Variants in MAGI1 observed in about 807,000 individuals in gnomAD.
The protein encoded by MAGI1 is membrane associated guanylate kinase, WW and PDZ domain containing 1.
Under a neutral mutation model 139.9 loss-of-function variants are expected in MAGI1, and 58 were observed. The ratio of observed to expected loss-of-function variants is 0.41; its 90% CI spans 0.34 to 0.52. The LOEUF is 0.52. Ranked by LOEUF, MAGI1 falls within the 20% of genes least tolerant of loss-of-function variation. MAGI1 has a pLI of 0.12. For synonymous variants in MAGI1, 812 were observed against 737.9 expected (o/e 1.10, Z -1.63); for missense variants, 1,874 against 1,901.6 (o/e 0.99, Z 0.27).
At chr3:65,632,041 A>G (rs1258563172) in intron 1 of MAGI1, among the ~76,000 whole-genome samples, 1 of 150,610 alleles carries the variant, frequency 6.6e-6, no homozygotes, top group Admixed American at 6.6e-5. Flanking sequence ...AAAAAAACAG[A>G]TATTTGCATG....
chr3:65,442,887 A>G, intron 7 of MAGI1, 38 bp from the exon 8 acceptor site: 2 of 1,502,066 alleles, frequency 1.3e-6, no homozygotes. Flanking sequence ...AGAAGAGCAT[A>G]TTCTTGAAGA....
chr3:65,642,759 T>C (rs1022935284), intron 1 of MAGI1, among the ~76,000 whole-genome samples: 4 of 152,138 alleles, frequency 2.6e-5, no homozygotes, highest in Admixed American at 2.0e-4. Context: ...GAGCAGAAAA[T>C]AGCTTTTTTA....
At chr3:65,868,989 C>T (rs1250124442) in intron 1 of MAGI1, among the ~76,000 whole-genome samples, 2 of 151,940 alleles carry the variant, frequency 1.3e-5, no homozygotes, top group Admixed American at 6.6e-5. Flanking sequence ...TAATTACTGC[C>T]GGGCGCGGTG....
At chr3:65,602,249 CATGA>C (rs2082516860) in intron 2 of MAGI1, among the ~76,000 whole-genome samples, 1 of 152,126 alleles carries the variant, frequency 6.6e-6, no homozygotes, top group African/African-American at 2.4e-5. Context: ...AAAACATATA[CATGA>C]ATGTTATAGC....
chr3:65,999,890 A>T (rs1344591039), intron 1 of MAGI1, among the ~76,000 whole-genome samples: 1 of 151,846 alleles, frequency 6.6e-6, no homozygotes, highest in Non-Finnish European at 1.5e-5. Flanking sequence ...CTAAAAGTAA[A>T]GAAACTTGAC....
At position 65,391,176 on chromosome 3, in the gene MAGI1, G is replaced by C; in HGVS notation, c.2382C>G (p.Ile794Met). 3.1e-6 allele frequency: 5 copies of C among 1,614,214 alleles called. No homozygotes were observed. The highest frequency in any genetic ancestry group is 4.2e-6 in the Non-Finnish European group (5 of 1,180,050). Residue 794 changes from isoleucine (I) to methionine (M), a missense_variant, in exon 14 of 23, where the codon ATC becomes ATG. Around this residue, in one of 5 missense-constraint regions of MAGI1, gnomAD observed 482 missense variants for 509.6 expected, o/e 0.95. Coordinates refer to ENST00000402939, the MANE Select transcript of MAGI1 (RefSeq NM_001033057.2). ...SGQKKPDPFK[I>M]WAQSRSMYEN... Reference sequence around the variant, plus strand: ...CATACATGCTCCTGGACTGGGCCCAGATTTTAAAAGGATCTGGTTTTTTCT... The same window carrying C: ...CATACATGCTCCTGGACTGGGCCCACATTTTAAAAGGATCTGGTTTTTTCT...
At chr3:65,757,647 T>C (rs1354087435) in intron 1 of MAGI1, among the ~76,000 whole-genome samples, 3 of 152,150 alleles carry the variant, frequency 2.0e-5, no homozygotes, top group African/African-American at 4.8e-5. Context: ...CAATAAATTA[T>C]TAATTTCTAT....
intron 2 of MAGI1, among the ~76,000 whole-genome samples, chr3:65,555,724 G>A (rs1168362896): frequency 2.6e-5 from 4 of 152,162 alleles, no homozygotes; most frequent in Non-Finnish European, 5.9e-5. Context: ...CAGGCATAGT[G>A]ATGCGTGCCT....
At chr3:65,774,962 A>G (rs1231286192) in intron 1 of MAGI1, among the ~76,000 whole-genome samples, 1 of 152,228 alleles carries the variant, frequency 6.6e-6, no homozygotes, top group African/African-American at 2.4e-5. Flanking sequence ...ATGGGATAGT[A>G]GTGAAACAAG....
intron 3 of MAGI1, among the ~76,000 whole-genome samples, chr3:65,490,861 A>AAAAAAAAAG (rs1553652878): frequency 4.7e-5 from 7 of 149,840 alleles, no homozygotes; most frequent in African/African-American, 1.5e-4. Flanking sequence ...AAAAAAAGAA[A>AAAAAAAAAG]AAAGAAAGAA....
At chr3:65,743,279 C>T (rs903085988) in intron 1 of MAGI1, among the ~76,000 whole-genome samples, 7 of 152,186 alleles carry the variant, frequency 4.6e-5, no homozygotes, top group Non-Finnish European at 1.0e-4. Context: ...TTACTATGTG[C>T]CTGATACTAT....
chr3:65,437,238 T>G lies in MAGI1; in HGVS notation c.1280A>C (p.Glu427Ala). 1 of 1,605,046 alleles carries G rather than the reference T, an allele frequency of 6.2e-7. No homozygotes were observed. Among genetic ancestry groups the G allele is most frequent in the Non-Finnish European group, 8.5e-7 (1 of 1,172,678 alleles). The change falls in exon 10 of 23, where the codon GAA (glutamate) becomes GCA (alanine). Residue 427 changes from glutamate to alanine, a missense_variant. By Grantham distance (107) the Glu-to-Ala change is moderately radical (BLOSUM62 -1). Transcript: ENST00000402939. ...QQQQQTEEWTEDHSALVPPVI... is the reference protein window; with the variant it reads ...QQQQQTEEWTADHSALVPPVI... ...AGGAGGCACAAGGGCTGAGTGATCT[T>G]CTGTCCATTCTATGAAAAAGAAAAG...
rs1356314550 is a variant in MAGI1 at position 65,646,450 on chromosome 3, T to C, written c.314-24362A>G. Among the ~76,000 whole-genome samples, 4 of 152,118 alleles carry C rather than the reference T, an allele frequency of 2.6e-5. No homozygotes were observed. The East Asian group carries it at 7.7e-4, about 29-fold the overall frequency. The stretch of plus-strand genomic sequence containing the variant: ...GAAAGGAACAAATCAACAATCGTTG[T>C]TAGAGACTTTAACATCTCTCTCTCT... On this transcript the variant is annotated intron_variant, in intron 1 of 22. Transcript: ENST00000402939.
intron 1 of MAGI1, among the ~76,000 whole-genome samples, chr3:65,942,671 C>A (rs1426807848): frequency 6.6e-6 from 1 of 152,186 alleles, no homozygotes. Flanking sequence ...GATAATAGCA[C>A]CTACACCCTA....
At chr3:65,722,536 G>A (rs1192100747) in intron 1 of MAGI1, among the ~76,000 whole-genome samples, 1 of 152,144 alleles carries the variant, frequency 6.6e-6, no homozygotes, top group African/African-American at 2.4e-5. Flanking sequence ...AGGAGGCTGA[G>A]ATGGGAGGAT....
chr3:65,905,312 A>G (rs1341026140), intron 1 of MAGI1, among the ~76,000 whole-genome samples: 1 of 152,128 alleles, frequency 6.6e-6, no homozygotes, highest in Non-Finnish European at 1.5e-5. Context: ...CCTACAAAAT[A>G]CAAGACCCAA....
intron 1 of MAGI1, among the ~76,000 whole-genome samples, chr3:65,953,913 TG>T (rs1230446132): frequency 6.6e-6 from 1 of 152,258 alleles, no homozygotes; most frequent in Non-Finnish European, 1.5e-5. Context: ...TTTGTGGAAC[TG>T]AAAACCTAGT....
At chr3:65,401,918 T>C (rs1325583686) in intron 12 of MAGI1, 9 of 984,960 alleles carry the variant, frequency 9.1e-6, no homozygotes, top group Non-Finnish European at 1.1e-5. Flanking sequence ...AAGGAGTACA[T>C]GGTTAAAATT....
chr3:65,901,964 C>G (rs2061251157), intron 1 of MAGI1, among the ~76,000 whole-genome samples: 1 of 152,128 alleles, frequency 6.6e-6, no homozygotes, highest in Middle Eastern at 3.4e-3. Context: ...AAAGAACTAC[C>G]AAGACTGGTC....
Sources: allele counts gnomAD v4.1 joint callset (sites outside exome capture counted in the v4.1 genomes callset), GRCh38; gene constraint gnomAD v4.1.1; regional missense constraint gnomAD v4.1.1; transcripts MANE v1.5; gene names NCBI Gene and HGNC (gene_info 2026-07-23, HGNC 2026-07-21).